The following PADI3 variants were observed in gnomAD, a reference collection of about 807,000 sequenced individuals.
The protein encoded by PADI3 is protein-arginine deiminase type-3.
In PADI3, 53 loss-of-function variants were observed where a neutral mutation model predicts 71.5. The ratio of observed to expected loss-of-function variants is 0.74; its 90% confidence interval spans 0.59 to 0.93. The LOEUF (loss-of-function observed/expected upper bound fraction) is 0.93. PADI3 is among the 40% of genes least tolerant of loss of function. The pLI is 0.00. For synonymous variants in PADI3, 361 were observed against 347.5 expected (o/e 1.04, Z -0.43); for missense variants, 821 against 868.0 (o/e 0.95, Z 0.68).
intron 1 of PADI3, among the ~76,000 whole-genome samples, chr1:17,252,877 C>A (rs1420279480): frequency 6.6e-6 from 1 of 152,192 alleles, no homozygotes; most frequent in Non-Finnish European, 1.5e-5. Flanking sequence ...TGTGGCTGCT[C>A]ATGTGGCTGA....
rs769745732 is a variant in PADI3 at position 17,271,185 on chromosome 1, A to G, written c.1047+7A>G. On this transcript the variant is annotated splice_region_variant and intron_variant, in intron 9 of 15. Transcript: ENST00000375460. ...CAACGACCGCTGGATCCAGGTAACC[A>G]CAGCCACTGGGCAGGGCCCAGCAAG... 11 of 1,609,906 alleles carry G rather than the reference A, an allele frequency of 6.8e-6. No individual in the cohort carries two copies. In the East Asian group the frequency reaches 2.0e-4, roughly 29 times the overall value.
rs114219518 is a variant in PADI3 at position 17,252,172 on chromosome 1, G to A, written c.92+2943G>A. On this transcript the variant is annotated intron_variant, in intron 1 of 15. Transcript: ENST00000375460. Reference sequence around the variant, plus strand: ...TGGTGCACTGAGCCATGCACTGGGCGTCTGGTGGCTGATTAACTCCTCCCT... The same window carrying A: ...TGGTGCACTGAGCCATGCACTGGGCATCTGGTGGCTGATTAACTCCTCCCT... 3.9e-3 allele frequency among the ~76,000 whole-genome samples: 593 copies of A among 152,254 alleles called. 3 individuals carry two copies. Among genetic ancestry groups the A allele is most frequent in the African/African-American group, 0.014 (563 of 41,544 alleles).
chr1:17,264,823 C>A (rs1158284926), intron 3 of PADI3, among the ~76,000 whole-genome samples: 1 of 151,986 alleles, frequency 6.6e-6, no homozygotes, highest in Non-Finnish European at 1.5e-5. Context: ...CCAGCCTAGG[C>A]AACATGGTGA....
chr1:17,274,790 A>G lies in PADI3; in HGVS notation c.1307+4A>G. ...TCATTGGGGGCAACCTGCCTGGGTG[A>G]GAGAGAGACAGGGAATGGAGTTCCT... On this transcript the variant is annotated splice_donor_region_variant and intron_variant, in intron 11 of 15. Coordinates refer to ENST00000375460, the MANE Select transcript of PADI3 (RefSeq NM_016233.2). 1 of 1,611,976 alleles carries G rather than the reference A, an allele frequency of 6.2e-7. No homozygotes were observed. The highest frequency in any genetic ancestry group is 8.5e-7 in the Non-Finnish European group (1 of 1,178,744).
rs1441976880 is a variant in PADI3 at position 17,283,145 on chromosome 1, C to A, written c.*66C>A. Reference sequence around the variant, plus strand: ...TTGGCCCAGGTGGTGGAGACAGAGACAGGCCCCTGAACGATAAGCACCAAG... The same window carrying A: ...TTGGCCCAGGTGGTGGAGACAGAGAAAGGCCCCTGAACGATAAGCACCAAG... On this transcript the variant is annotated 3_prime_UTR_variant, in exon 16 of 16. Coordinates refer to ENST00000375460, the MANE Select transcript of PADI3 (RefSeq NM_016233.2). 2 of 1,263,998 alleles carry A rather than the reference C, an allele frequency of 1.6e-6. No individual in the cohort carries two copies. The highest frequency in any genetic ancestry group is 1.3e-5 in the South Asian group (1 of 78,854). 78.3% of individuals were successfully genotyped at this position (1,263,998 alleles called of 1,614,324 possible). A position where few individuals can be genotyped will look rare whatever the true frequency, so the allele number is the denominator to read the frequency against.
chr1:17,279,279 C>T lies in PADI3; in HGVS notation c.1556-1071C>T, dbSNP rs11585118. On this transcript the variant is annotated intron_variant, in intron 13 of 15. Transcript: ENST00000375460. ...CAGAGGCCAGAGCACTGATTAGACA[C>T]CTCAGTGCGCCAGGCCTCACGCTGT... Among the ~76,000 whole-genome samples the T allele has an allele frequency of 3.3e-5, 5 of 152,222 alleles. No individual in the cohort carries two copies. The East Asian group carries it at 5.8e-4, about 18-fold the overall frequency.
chr1:17,265,871 G>A, intron 4 of PADI3, 151 bp downstream of exon 4: 2 of 673,482 alleles, frequency 3.0e-6, no homozygotes, highest in South Asian at 3.6e-5. Flanking sequence ...GCATGGCTGG[G>A]GATCTTCTTT....
chr1:17,255,217 T>TA (rs1461628232), intron 1 of PADI3, among the ~76,000 whole-genome samples: 1 of 152,248 alleles, frequency 6.6e-6, no homozygotes, highest in Non-Finnish European at 1.5e-5. Context: ...TTGCAGGTTT[T>TA]AGCACAGCAA....
At position 17,271,160 on chromosome 1, in the gene PADI3, C is replaced by A. The variant is rs2293916; in HGVS notation, c.1029C>A (p.Arg343=). The change falls in exon 9 of 16, where the codon CGC becomes CGA. Residue 343 remains arginine, a synonymous_variant. Transcript: ENST00000375460. ...CCATCTGCCCACAGGCCGAGAACCG[C>A]AACGACCGCTGGATCCAGGTAACCA... ...KLTICPQAEN[R]NDRWIQDEME... The A allele has an allele frequency of 6.2e-7, 1 of 1,612,300 alleles. No homozygotes were observed. Among genetic ancestry groups the A allele is most frequent in the African/African-American group, 1.3e-5 (1 of 74,902 alleles).
chr1:17,266,818 C>T lies in PADI3; in HGVS notation c.508C>T (p.His170Tyr), dbSNP rs1411685307. Residue 170 changes from histidine (H) to tyrosine (Y), a missense_variant, in exon 5 of 16, where the codon CAC (histidine) becomes TAC (tyrosine). Physicochemically the swap from His to Tyr is moderately conservative, Grantham distance 83. Coordinates refer to ENST00000375460, the MANE Select transcript of PADI3 (RefSeq NM_016233.2). ...TGATGTCCAGGACAATTGTGACCAG[C>T]ACGTGCACTGCCTGCAAGGTGAGGC... ...SCDVQDNCDQ[H>Y]VHCLQDLEDM... 1.2e-6 allele frequency: 2 copies of T among 1,613,620 alleles called. No individual in the cohort carries two copies. Among genetic ancestry groups the T allele is most frequent in the African/African-American group, 1.3e-5 (1 of 74,912 alleles).
At chr1:17,282,754 C>A in intron 15 of PADI3, 92 bp from the exon 16 acceptor site, 1 of 897,078 alleles carries the variant, frequency 1.1e-6, no homozygotes. Flanking sequence ...ATTGACAAGG[C>A]TGTCTAAAAC....
At chr1:17,254,130 A>G (rs1304287128) in intron 1 of PADI3, among the ~76,000 whole-genome samples, 1 of 152,220 alleles carries the variant, frequency 6.6e-6, no homozygotes, top group African/African-American at 2.4e-5. Context: ...GGGGTGGGGC[A>G]GGGCCACCCA....
intron 1 of PADI3, among the ~76,000 whole-genome samples, chr1:17,253,563 A>G (rs2072991681): frequency 6.6e-6 from 1 of 152,118 alleles, no homozygotes; most frequent in South Asian, 2.1e-4. Context: ...AGAGGTTCTC[A>G]ACCCTGGAAG....
At chr1:17,257,962 A>G (rs2073049440) in intron 1 of PADI3, among the ~76,000 whole-genome samples, 1 of 152,082 alleles carries the variant, frequency 6.6e-6, no homozygotes, top group African/African-American at 2.4e-5. Flanking sequence ...TATTGTTGTT[A>G]TTATTACTCC....
intron 13 of PADI3, among the ~76,000 whole-genome samples, chr1:17,278,492 G>A (rs547221201): frequency 6.6e-6 from 1 of 152,300 alleles, no homozygotes; most frequent in South Asian, 2.1e-4. Context: ...GCCTCCCAAA[G>A]TATGGGATTA....
In PADI3 at chr1:17,268,033, C is replaced by T. The variant is rs1327345132; in HGVS notation, c.652+71C>T. 3 of 1,586,256 alleles carry T rather than the reference C, an allele frequency of 1.9e-6. No individual in the cohort carries two copies. The African/African-American group carries it at 4.0e-5, about 21-fold the overall frequency. ...GTTGCCTACCAGGGAACCTCCTGTTCCTGCCTTGGGCCATGGGCAGGTCCT... is the reference window on the plus strand; with the variant it reads ...GTTGCCTACCAGGGAACCTCCTGTTTCTGCCTTGGGCCATGGGCAGGTCCT... On this transcript the variant is annotated intron_variant, in intron 6 of 15. Transcript: ENST00000375460.
At position 17,282,917 on chromosome 1, in the gene PADI3, C is replaced by G; in HGVS notation, c.1833C>G (p.Cys611Trp). Residue 611 changes from cysteine to tryptophan, a missense_variant, in exon 16 of 16, where the codon TGC (cysteine) becomes TGG (tryptophan). By Grantham distance (215) the Cys-to-Trp change is radical. Transcript: ENST00000375460. ...KPFGPIINGC[C>W]CLEEKVRSLL... Reference sequence around the variant, plus strand: ...TTGGGCCCATCATCAATGGCTGCTGCTGCCTGGAGGAGAAGGTGCGGTCCC... The same window carrying G: ...TTGGGCCCATCATCAATGGCTGCTGGTGCCTGGAGGAGAAGGTGCGGTCCC... The G allele has an allele frequency of 6.2e-7, 1 of 1,614,130 alleles. No individual in the cohort carries two copies. The highest frequency in any genetic ancestry group is 8.5e-7 in the Non-Finnish European group (1 of 1,179,994).
In PADI3 at chr1:17,249,102, T is replaced by C. The variant is rs974181540; in HGVS notation, c.-36T>C. The C allele has an allele frequency of 1.9e-6, 3 of 1,572,054 alleles. No individual in the cohort carries two copies. The highest frequency in any genetic ancestry group is 2.7e-5 in the African/African-American group (2 of 74,042). ...ATCCTAAGGGGCCTCAGGGGCAGTG[T>C]TGGGGTTGGCGGCCACAGCTAAGTC... On this transcript the variant is annotated 5_prime_UTR_variant, in exon 1 of 16. Coordinates refer to ENST00000375460, the MANE Select transcript of PADI3 (RefSeq NM_016233.2).
rs1484732220 is a variant in PADI3, at chr1:17,270,300, C to G, written c.720C>G (p.Pro240=). 6.2e-7 allele frequency: 1 copy of G among 1,613,986 alleles called. No individual in the cohort carries two copies. The highest frequency in any genetic ancestry group is 2.2e-5 in the East Asian group (1 of 44,860). The change falls in exon 7 of 16, where the codon CCC becomes CCG. Residue 240 remains proline, a synonymous_variant. Transcript: ENST00000375460. The part of the protein sequence containing the change: ...LGQDKVSYEV[P]RLHGDEERFF... ...AAGATAAGGTGTCCTATGAGGTACCCCGCTTGCATGGGGATGAGGAGCGCT... is the reference window on the plus strand; with the variant it reads ...AAGATAAGGTGTCCTATGAGGTACCGCGCTTGCATGGGGATGAGGAGCGCT...
Sources: gnomAD v4.1 joint callset for allele counts (sites outside exome capture counted in the v4.1 genomes callset) on GRCh38, gnomAD v4.1.1 for gene constraint, MANE v1.5 for transcripts, NCBI Gene and HGNC (gene_info 2026-07-23, HGNC 2026-07-21) for gene names.